The following IL23R variants were observed in gnomAD, a reference collection of about 807,000 sequenced individuals.
IL23R encodes interleukin-23 receptor.
IL23R carries 34 observed loss-of-function variants against 56.9 expected under a neutral mutation model. The ratio of observed to expected loss-of-function variants is 0.60; its 90% CI spans 0.45 to 0.80. The LOEUF is 0.80. Ranked by LOEUF, IL23R falls within the 30% of genes least tolerant of loss-of-function variation. The probability of loss-of-function intolerance (pLI) is 0.00; values close to 1 mark genes in which losing one functional copy is unlikely to be tolerated. For synonymous variants in IL23R, 230 were observed against 249.2 expected (o/e 0.92, Z 0.73); for missense variants, 635 against 730.0 (o/e 0.87, Z 1.50).
chr1:67,206,601 G>C (rs527298863), intron 5 of IL23R, among the ~76,000 whole-genome samples: 27 of 152,000 alleles, frequency 1.8e-4, no homozygotes, highest in African/African-American at 6.3e-4. Flanking sequence ...TTGTTAACAA[G>C]GCTAGGCTCT....
intron 2 of IL23R, 106 bp from the exon 3 acceptor site, chr1:67,169,236 C>A (rs2102555735): frequency 1.2e-6 from 1 of 816,430 alleles, no homozygotes; most frequent in Non-Finnish European, 1.9e-6. Context: ...TCAATGGAAT[C>A]ATTTAGTTAA....
chr1:67,245,152 A>T (rs909100659), intron 9 of IL23R, among the ~76,000 whole-genome samples: 3 of 152,156 alleles, frequency 2.0e-5, no homozygotes, highest in Non-Finnish European at 4.4e-5. Flanking sequence ...TGATTTTTGC[A>T]CATTAATTTT....
upstream of IL23R, among the ~76,000 whole-genome samples, chr1:67,164,933 C>A (rs952062836): frequency 6.6e-6 from 1 of 151,994 alleles, no homozygotes; most frequent in Non-Finnish European, 1.5e-5. Context: ...ATGAGCTGGG[C>A]GTGGTGGCTC....
intron 4 of IL23R, among the ~76,000 whole-genome samples, chr1:67,186,900 C>A (rs958031161): frequency 6.6e-6 from 1 of 152,196 alleles, no homozygotes; most frequent in Non-Finnish European, 1.5e-5. Context: ...GGATTACAGG[C>A]ATAAGCCAAC....
intron 6 of IL23R, among the ~76,000 whole-genome samples, chr1:67,210,311 G>T (rs112515329): frequency 1.3e-5 from 2 of 152,132 alleles, no homozygotes; most frequent in Admixed American, 6.5e-5. Context: ...TTTCAGCTGT[G>T]GAGGAACACT....
At chr1:67,231,344 G>A (rs1261067405) in intron 7 of IL23R, among the ~76,000 whole-genome samples, 1 of 152,184 alleles carries the variant, frequency 6.6e-6, no homozygotes, top group East Asian at 1.9e-4. Flanking sequence ...GTAAGAATTT[G>A]GAACCAGTCT....
At position 67,166,548 on chromosome 1, in the gene IL23R, A is replaced by T. The variant is rs1646875439; in HGVS notation, c.-30+7A>T. ...GCTTCAAACAGGTTGAAAGGTAAAT[A>T]GGCAGCGATCATCCAAATACTTAAA... On this transcript the variant is annotated splice_region_variant and intron_variant, in intron 1 of 10. Transcript: ENST00000347310. 1 of 152,392 alleles carries T rather than the reference A, an allele frequency of 6.6e-6. No individual in the cohort carries two copies. The highest frequency in any genetic ancestry group is 2.4e-5 in the African/African-American group (1 of 41,466). The allele number at this position is 152,392 out of a possible 1,614,324, so 9.4% of individuals were successfully genotyped here.
At position 67,201,575 on chromosome 1, in the gene IL23R, A is replaced by G. The variant is rs565580465; in HGVS notation, c.652+678A>G. Among the ~76,000 whole-genome samples, 10 of 151,540 alleles carry G rather than the reference A, an allele frequency of 6.6e-5. No homozygotes were observed. The East Asian group carries it at 1.4e-3, about 20-fold the overall frequency. On this transcript the variant is annotated intron_variant, in intron 5 of 10. Coordinates refer to ENST00000347310, the MANE Select transcript of IL23R (RefSeq NM_144701.3). ...GCAAAAAAAAAAAAAACAAAAAAAC[A>G]CTATGATCATGATAAAGTTTGTTGA... is the stretch of plus-strand genomic sequence containing the variant.
Position 67,236,836 on chromosome 1 carries a change from C to G in IL23R, c.1045+34C>G, listed in dbSNP as rs1174535825. On this transcript the variant is annotated intron_variant, in intron 8 of 10. Coordinates refer to ENST00000347310, the MANE Select transcript of IL23R (RefSeq NM_144701.3). ...ATACAACTTAGGCTTTTTGAGTAGT[C>G]TTTTAGTAATTGCCCATTTTAACCC... 9 of 1,386,876 alleles carry G rather than the reference C, an allele frequency of 6.5e-6. No homozygotes were observed. The Admixed American group carries it at 1.0e-4, about 15-fold the overall frequency. The allele number at this position is 1,386,876 out of a possible 1,614,324, so 85.9% of individuals were successfully genotyped here.
rs142362169 is a variant in IL23R at position 67,177,971 on chromosome 1, G to T, written c.368-4865G>T. 1.5e-3 allele frequency among the ~76,000 whole-genome samples: 219 copies of T among 149,952 alleles called. 8 individuals carry two copies. Among genetic ancestry groups the T allele is most frequent in the African/African-American group, 5.4e-3 (212 of 39,420 alleles). ...CTGAGGTCTCTGTTCTGTTCCATTG[G>T]TCTATATATCTGTTTTGGTACCAGT... On this transcript the variant is annotated intron_variant, in intron 3 of 10. Coordinates refer to ENST00000347310, the MANE Select transcript of IL23R (RefSeq NM_144701.3).
chr1:67,165,169 G>A (rs1026536926), upstream of IL23R, among the ~76,000 whole-genome samples: 26 of 151,852 alleles, frequency 1.7e-4, no homozygotes, highest in East Asian at 3.9e-4. Context: ...TAATCACGCC[G>A]CTGCACTCCA....
At chr1:67,228,139 T>C (rs1479875365) in intron 7 of IL23R, among the ~76,000 whole-genome samples, 11 of 132,984 alleles carry the variant, frequency 8.3e-5, no homozygotes, top group Non-Finnish European at 1.3e-4. Context: ...CTTCTTTCTT[T>C]CTGTCTTTCT....
At chr1:67,193,446 A>G (rs762955293) in intron 4 of IL23R, among the ~76,000 whole-genome samples, 50 of 152,242 alleles carry the variant, frequency 3.3e-4, no homozygotes, top group Non-Finnish European at 4.6e-4. Flanking sequence ...TTAAATAAAT[A>G]TTTATTGAAT....
rs1646704885 is a variant in IL23R, at chr1:67,148,880, G to C, written c.-634+9719G>C. On this transcript the variant is annotated intron_variant, in intron 1 of 10. Transcript: ENST00000637002. ...TCTTGTGTTCCCTGTCTAGCTTAGGGGCCCAGGAGGAGTGAGATCTGGGTT... is the reference window on the plus strand; with the variant it reads ...TCTTGTGTTCCCTGTCTAGCTTAGGCGCCCAGGAGGAGTGAGATCTGGGTT... Among the ~76,000 whole-genome samples the C allele has an allele frequency of 2.6e-5, 4 of 152,182 alleles. No homozygotes were observed. In the South Asian group the frequency reaches 8.3e-4, roughly 32 times the overall value.
rs1196910090 is a variant in IL23R, at chr1:67,206,116, G to A, written c.653-794G>A. 6.6e-5 allele frequency among the ~76,000 whole-genome samples: 10 copies of A among 151,612 alleles called. No individual in the cohort carries two copies. The East Asian group carries it at 7.7e-4, about 12-fold the overall frequency. ...TAACCTCTGCCTCCCGGGTTCAAGC[G>A]ATCCTCCTGCCTCAGCCTCCTGAGT... On this transcript the variant is annotated intron_variant, in intron 5 of 10. Transcript: ENST00000347310.
intron 1 of IL23R, among the ~76,000 whole-genome samples, chr1:67,155,562 T>G (rs1032656006): frequency 6.6e-6 from 1 of 152,202 alleles, no homozygotes; most frequent in Non-Finnish European, 1.5e-5. Context: ...TCCGATATCC[T>G]TTCTTCCACT....
At chr1:67,199,554 G>A (rs1225142740) in intron 4 of IL23R, among the ~76,000 whole-genome samples, 1 of 152,072 alleles carries the variant, frequency 6.6e-6, no homozygotes, top group Admixed American at 6.5e-5. Context: ...ATAATTTTAG[G>A]AGTCCATGAA....
In IL23R at chr1:67,189,440, C is replaced by A. The variant is rs188454343; in HGVS notation, c.491+6481C>A. 4.6e-5 allele frequency among the ~76,000 whole-genome samples: 7 copies of A among 152,190 alleles called. No homozygotes were observed. The East Asian group carries it at 1.3e-3, about 29-fold the overall frequency. On this transcript the variant is annotated intron_variant, in intron 4 of 10. Coordinates refer to ENST00000347310, the MANE Select transcript of IL23R (RefSeq NM_144701.3). The stretch of plus-strand genomic sequence containing the variant: ...AAACTATAACCAAACTCTGATAAAC[C>A]TAACCAAGTTCTGAATTGATGGAGG...
chr1:67,235,028 G>A (rs1294432336), intron 7 of IL23R, among the ~76,000 whole-genome samples: 1 of 152,026 alleles, frequency 6.6e-6, no homozygotes, highest in Non-Finnish European at 1.5e-5. Flanking sequence ...CAAAATAATG[G>A]AGATTCAGAC....
Sources: gnomAD v4.1 joint callset for allele counts (sites outside exome capture counted in the v4.1 genomes callset) on GRCh38, gnomAD v4.1.1 for gene constraint, MANE v1.5 for transcripts, NCBI Gene and HGNC (gene_info 2026-07-23, HGNC 2026-07-21) for gene names.